Variants in CFAP47 observed in about 807,000 individuals in gnomAD.
The protein encoded by CFAP47 is cilia and flagella associated protein 47.
CFAP47 carries 29 observed loss-of-function variants against 148.1 expected under a neutral mutation model. The observed-to-expected ratio is 0.20, with a 90% CI of 0.15 to 0.27. The LOEUF is 0.27. Ranked by LOEUF, CFAP47 falls within the 10% of genes least tolerant of loss-of-function variation. The probability of loss-of-function intolerance (pLI) is 1.00; values close to 1 mark genes in which losing one functional copy is unlikely to be tolerated. For missense variants in CFAP47, 1,872 were observed against 1,697.5 expected (o/e 1.10, Z -1.81); for synonymous variants, 664 against 577.3 (o/e 1.15, Z -2.15).
At chrX:36,124,727 G>T (rs767150302) in intron 33 of CFAP47, among the ~76,000 whole-genome samples, 2 of 111,064 alleles carry the variant, frequency 1.8e-5, no homozygotes, top group East Asian at 5.7e-4. Context: ...TTTAAAGCCA[G>T]GTTCTGTGAG....
chrX:36,001,191 G>A (rs1936910407), intron 20 of CFAP47, among the ~76,000 whole-genome samples: 1 of 111,674 alleles, frequency 9.0e-6, no homozygotes, highest in Non-Finnish European at 1.9e-5. Flanking sequence ...TCCTCAAAAA[G>A]TGAAAAGTAA....
At chrX:36,092,546 G>A (rs1938203999) in intron 30 of CFAP47, among the ~76,000 whole-genome samples, 1 of 110,879 alleles carries the variant, frequency 9.0e-6, no homozygotes, top group South Asian at 3.7e-4. Flanking sequence ...CATTTATCAA[G>A]TTCTCTAAAG....
At position 36,385,183 on chromosome X, in the gene CFAP47, G is replaced by GT. The variant is rs1306488974; in HGVS notation, c.*183dup. 4 of 392,626 alleles carry GT rather than the reference G, an allele frequency of 1.0e-5. No individual in the cohort carries two copies. Among genetic ancestry groups the GT allele is most frequent in the Non-Finnish European group, 1.8e-5 (4 of 228,282 alleles). The allele number at this position is 392,626 out of a possible 1,213,427, so 32.4% of individuals were successfully genotyped here. ...TATACTTCATTTGTGAGTTATGAAT[G>GT]TTTTTTGGTTGCGAACATTGGAATT... On this transcript the variant is annotated 3_prime_UTR_variant, in exon 64 of 64. Coordinates refer to ENST00000378653, the MANE Select transcript of CFAP47 (RefSeq NM_001304548.2).
intron 2 of CFAP47, among the ~76,000 whole-genome samples, chrX:35,927,473 CAG>C (rs1463509105): frequency 9.0e-6 from 1 of 110,994 alleles, no homozygotes; most frequent in Non-Finnish European, 1.9e-5. Context: ...TCCTTGAAAA[CAG>C]AGATTTTTTT....
chrX:36,143,689 T>C (rs1186601339), intron 35 of CFAP47, among the ~76,000 whole-genome samples: 1 of 112,062 alleles, frequency 8.9e-6, no homozygotes, highest in Non-Finnish European at 1.9e-5. Flanking sequence ...ACTTTTTGGC[T>C]TCAGCTTACG....
intron 25 of CFAP47, among the ~76,000 whole-genome samples, chrX:36,043,917 G>C (rs746708869): frequency 3.5e-5 from 4 of 112,877 alleles, no homozygotes; most frequent in Non-Finnish European, 7.5e-5. Flanking sequence ...CTTTGGCCTG[G>C]ACATCCAGGT....
chrX:36,258,907 T>C (rs1477877500), intron 49 of CFAP47, among the ~76,000 whole-genome samples: 1 of 112,064 alleles, frequency 8.9e-6, no homozygotes, highest in African/African-American at 3.2e-5. Context: ...TATTATTATT[T>C]TATGCAATTT....
In CFAP47 at chrX:35,966,359, T is replaced by G. The variant is rs771200559; in HGVS notation, c.1411-206T>G. Among the ~76,000 whole-genome samples, 2 of 104,818 alleles carry G rather than the reference T, an allele frequency of 1.9e-5. 1 individual carries two copies. Among genetic ancestry groups the G allele is most frequent in the South Asian group, 8.4e-4 (2 of 2,377 alleles). 91.0% of individuals were successfully genotyped at this position (104,818 alleles called of 115,157 possible). ...CTAATATTTAAGAAAAATAAAAAATTTTAATAATTTTTATTAAAAAATTAT... is the reference window on the plus strand; with the variant it reads ...CTAATATTTAAGAAAAATAAAAAATGTTAATAATTTTTATTAAAAAATTAT... On this transcript the variant is annotated intron_variant, in intron 8 of 63. Coordinates refer to ENST00000378653, the MANE Select transcript of CFAP47 (RefSeq NM_001304548.2).
At position 35,948,315 on chromosome X, in the gene CFAP47, C is replaced by T. The variant is rs1187265270; in HGVS notation, c.519C>T (p.Gly173=). 1 of 1,199,754 alleles carries T rather than the reference C, an allele frequency of 8.3e-7. No individual in the cohort carries two copies. The highest frequency in any genetic ancestry group is 2.2e-5 in the Admixed American group (1 of 45,600). The part of the protein sequence containing the change: ...ITITNHGKAP[G]IFKAEYHGQL... Reference sequence around the variant, plus strand: ...ATCAACTGCTCTTATTCCCTATAGGCATATTTAAGGCAGAATACCACGGCC... The same window carrying T: ...ATCAACTGCTCTTATTCCCTATAGGTATATTTAAGGCAGAATACCACGGCC... Residue 173 remains glycine, a splice_region_variant and synonymous_variant, in exon 4 of 64, where the codon GGC becomes GGT. Transcript: ENST00000378653.
At chrX:36,145,419 C>A in intron 36 of CFAP47, 66 bp downstream of exon 36, 3 of 289,781 alleles carry the variant, frequency 1.0e-5, no homozygotes, top group South Asian at 2.1e-4. Flanking sequence ...TTAGATATTT[C>A]TTTCCCAACC....
At chrX:35,947,062 G>A in intron 3 of CFAP47, among the ~76,000 whole-genome samples, 1 of 111,703 alleles carries the variant, frequency 9.0e-6, no homozygotes, top group Admixed American at 9.5e-5. Context: ...TGTGTGAACT[G>A]GATAAATTCA....
chrX:36,046,006 A>G (rs1003071484), intron 25 of CFAP47, among the ~76,000 whole-genome samples: 3 of 111,400 alleles, frequency 2.7e-5, no homozygotes, highest in African/African-American at 9.7e-5. Context: ...ATTATTTTCA[A>G]ACTGGATTTA....
Position 36,257,745 on chromosome X carries a change from A to G in CFAP47, c.7444+6301A>G, listed in dbSNP as rs188948421. ...GCCAGCAAGAATATTTGCACACAGT[A>G]TGTACTTTGTGCACTTACAGTGGCA... On this transcript the variant is annotated intron_variant, in intron 49 of 63. Coordinates refer to ENST00000378653, the MANE Select transcript of CFAP47 (RefSeq NM_001304548.2). Among the ~76,000 whole-genome samples, 7 of 112,007 alleles carry G rather than the reference A, an allele frequency of 6.2e-5. No individual in the cohort carries two copies. In the South Asian group the frequency reaches 1.5e-3, roughly 24 times the overall value.
At chrX:36,205,684 C>T (rs1212089195) in intron 45 of CFAP47, among the ~76,000 whole-genome samples, 2 of 111,720 alleles carry the variant, frequency 1.8e-5, no homozygotes, top group African/African-American at 6.5e-5. Context: ...GATATACTAG[C>T]ATTACTAAAT....
intron 22 of CFAP47, among the ~76,000 whole-genome samples, chrX:36,017,066 A>G (rs769014893): frequency 9.3e-4 from 103 of 110,855 alleles, no homozygotes; most frequent in African/African-American, 3.2e-3. Context: ...CTGGTTATTA[A>G]CCCATTTGAA....
At position 36,273,610 on chromosome X, in the gene CFAP47, T is replaced by G. The variant is rs782588182; in HGVS notation, c.7445-6877T>G. ...ACCAAGTTTTATATTTATTTCTGTTTCCTGTTGGAACAATTGACCTTACCC... is the reference window on the plus strand; with the variant it reads ...ACCAAGTTTTATATTTATTTCTGTTGCCTGTTGGAACAATTGACCTTACCC... On this transcript the variant is annotated intron_variant, in intron 49 of 63. Coordinates refer to ENST00000378653, the MANE Select transcript of CFAP47 (RefSeq NM_001304548.2). Among the ~76,000 whole-genome samples, 7 of 111,807 alleles carry G rather than the reference T, an allele frequency of 6.3e-5. No individual in the cohort carries two copies. The South Asian group carries it at 2.2e-3, about 35-fold the overall frequency.
chrX:36,183,320 A>G (rs781757194), intron 40 of CFAP47, among the ~76,000 whole-genome samples: 1 of 111,117 alleles, frequency 9.0e-6, no homozygotes, highest in South Asian at 3.9e-4. Flanking sequence ...CCCTATTTCA[A>G]AAAATAAAAA....
chrX:35,984,812 TTTTG>T (rs1454520971), intron 15 of CFAP47, among the ~76,000 whole-genome samples: 1 of 111,475 alleles, frequency 9.0e-6, no homozygotes, highest in African/African-American at 3.3e-5. Context: ...TCTGATGGTG[TTTTG>T]TTTGATTTTG....
intron 49 of CFAP47, among the ~76,000 whole-genome samples, chrX:36,266,922 C>T (rs781797515): frequency 9.0e-6 from 1 of 111,203 alleles, no homozygotes; most frequent in Admixed American, 9.5e-5. Context: ...CCTTCAATCC[C>T]AACATCTGGG....
Sources: allele counts gnomAD v4.1 joint callset (sites outside exome capture counted in the v4.1 genomes callset), GRCh38; gene constraint gnomAD v4.1.1; transcripts MANE v1.5; gene names NCBI Gene and HGNC (gene_info 2026-07-23, HGNC 2026-07-21).